The following USP32 variants were observed in gnomAD, a reference collection of about 807,000 sequenced individuals.
The protein encoded by USP32 is ubiquitin carboxyl-terminal hydrolase 32.
Under a neutral mutation model 204.8 loss-of-function variants are expected in USP32, and 59 were observed. That is an observed-to-expected ratio of 0.29 (90% CI 0.23 to 0.36). The LOEUF is 0.36. Among genes scored for constraint, USP32 ranks in the 10% least tolerant of loss-of-function variants. USP32 has a pLI of 1.00. For synonymous variants in USP32, 517 were observed against 678.4 expected, an observed-to-expected ratio of 0.76 and a Z score of 3.70; for missense variants, 1,160 against 1,946.4, an observed-to-expected ratio of 0.60 and a Z score of 7.60.
intron 26 of USP32, among the ~76,000 whole-genome samples, chr17:60,200,829 A>G (rs1439963540): frequency 1.3e-5 from 2 of 152,226 alleles, no homozygotes; most frequent in Non-Finnish European, 2.9e-5. Context: ...TTTTATATTT[A>G]TAAATAGAAT....
chr17:60,341,848 C>T (rs533077577), intron 2 of USP32, among the ~76,000 whole-genome samples: 1 of 152,282 alleles, frequency 6.6e-6, no homozygotes, highest in African/African-American at 2.4e-5. Flanking sequence ...TGGGTTCGAA[C>T]ATACTCCTTT....
chr17:60,332,288 C>A (rs1318183760), intron 2 of USP32, among the ~76,000 whole-genome samples: 2 of 151,708 alleles, frequency 1.3e-5, no homozygotes, highest in Non-Finnish European at 2.9e-5. Flanking sequence ...TCGGTTTTGT[C>A]ATGCATATAT....
intron 1 of USP32, among the ~76,000 whole-genome samples, chr17:60,389,237 T>C (rs1432901887): frequency 1.3e-5 from 2 of 152,136 alleles, no homozygotes; most frequent in African/African-American, 4.8e-5. Context: ...TCCAAGACAT[T>C]TTTAGCTCTA....
rs138389384 is a variant in USP32, at chr17:60,409,567, AC to A, written c.106+12678del. ...TTACCACAAGCTTAGTGGCTCTGAAACCACCCTTGCAAAAATTACAAGTGAG... is the reference window on the plus strand; with the variant it reads ...TTACCACAAGCTTAGTGGCTCTGAAACACCCTTGCAAAAATTACAAGTGAG... On this transcript the variant is annotated intron_variant, in intron 1 of 3. Coordinates refer to the USP32 transcript ENST00000588898. Among the ~76,000 whole-genome samples the A allele has an allele frequency of 9.5e-3, 1,441 of 152,304 alleles. 32 individuals are homozygous for A. Among genetic ancestry groups the A allele is most frequent in the African/African-American group, 0.033 (1,386 of 41,552 alleles).
chr17:60,416,666 T>C (rs1050458170), intron 1 of USP32, among the ~76,000 whole-genome samples: 3 of 152,076 alleles, frequency 2.0e-5, no homozygotes, highest in African/African-American at 4.8e-5. Context: ...GGTTCAATTG[T>C]CTCTTCAGGC....
chr17:60,244,029 G>GTTTTTTTT lies in USP32; in HGVS notation c.1137-7797_1137-7790dup, dbSNP rs34842511. Among the ~76,000 whole-genome samples the GTTTTTTTT allele has an allele frequency of 6.0e-4, 43 of 71,690 alleles. 2 individuals are homozygous for GTTTTTTTT. The highest frequency in any genetic ancestry group is 1.7e-3 in the African/African-American group (24 of 14,184). 47.0% of individuals were successfully genotyped at this position (71,690 alleles called of 152,430 possible). On this transcript the variant is annotated intron_variant, in intron 11 of 33. Transcript: ENST00000300896. ...TTTGAATCTCAAGTAGCTGGATTGT[G>GTTTTTTTT]TTTTTTTTTTTTTTTTTTTTTTTTG...
rs2085201305 is a variant in USP32 at position 60,219,924 on chromosome 17, C to A, written c.1750-137G>T. ...CTACATTTCAGTAATTACTGAAACTCACACATTTAAGTTACATGGATCTGA... is the reference window on the plus strand; with the variant it reads ...CTACATTTCAGTAATTACTGAAACTAACACATTTAAGTTACATGGATCTGA... On this transcript the variant is annotated intron_variant, in intron 15 of 33. Transcript: ENST00000300896. 7 of 803,184 alleles carry A rather than the reference C, an allele frequency of 8.7e-6. No homozygotes were observed. The South Asian group carries it at 1.3e-4, about 15-fold the overall frequency. The allele number at this position is 803,184 out of a possible 1,614,324, so 49.8% of individuals were successfully genotyped here.
At chr17:60,248,236 G>A (rs770496834) in intron 11 of USP32, among the ~76,000 whole-genome samples, 8 of 152,174 alleles carry the variant, frequency 5.3e-5, no homozygotes, top group Non-Finnish European at 1.0e-4. Context: ...AAAGTCAGCT[G>A]TTTATCACAT....
At chr17:60,251,357 T>A (rs745481350) in intron 11 of USP32, among the ~76,000 whole-genome samples, 9 of 152,194 alleles carry the variant, frequency 5.9e-5, no homozygotes, top group Non-Finnish European at 1.3e-4. Context: ...ACTTTAAATA[T>A]CTATATCTTA....
intron 1 of USP32, among the ~76,000 whole-genome samples, chr17:60,389,494 G>C (rs1010008495): frequency 6.6e-6 from 1 of 151,418 alleles, no homozygotes; most frequent in East Asian, 1.9e-4. Context: ...AGTGAGCCAA[G>C]ATCACGCCAC....
Position 60,345,551 on chromosome 17 carries a change from G to A in USP32, c.116C>T (p.Ser39Leu), listed in dbSNP as rs1378293822. 1.2e-6 allele frequency: 2 copies of A among 1,614,186 alleles called. No individual in the cohort carries two copies. Among genetic ancestry groups the A allele is most frequent in the Non-Finnish European group, 1.7e-6 (2 of 1,180,024 alleles). The part of the protein sequence containing the change: ...KDAFKRTCGL[S>L]YYMGQHCFIR... Reference sequence around the variant, plus strand: ...GAAGCAGTGCTGGCCCATGTAATATGAGAGTCCACAGGTCCTCTTGAAAGC... The same window carrying A: ...GAAGCAGTGCTGGCCCATGTAATATAAGAGTCCACAGGTCCTCTTGAAAGC... Residue 39 changes from serine to leucine, a missense_variant, in exon 2 of 34, where the codon TCA becomes TTA. Around this residue, in one of 8 missense-constraint regions of USP32, gnomAD observed 536 missense variants for 680.9 expected, o/e 0.79. Transcript: ENST00000300896.
chr17:60,265,812 A>G (rs1385632262), intron 8 of USP32, among the ~76,000 whole-genome samples, 164 bp downstream of exon 8: 5 of 152,248 alleles, frequency 3.3e-5, no homozygotes, highest in African/African-American at 2.4e-5. Context: ...TTTCTAAGCC[A>G]AACTCTCTTT....
chr17:60,197,193 A>C (rs2084542870), intron 27 of USP32, among the ~76,000 whole-genome samples: 1 of 151,990 alleles, frequency 6.6e-6, no homozygotes, highest in Admixed American at 6.6e-5. Flanking sequence ...AAAAAAAAAG[A>C]TGTATTTATC....
At chr17:60,280,771 ATAT>A (rs2086949105) in intron 5 of USP32, among the ~76,000 whole-genome samples, 1 of 152,198 alleles carries the variant, frequency 6.6e-6, no homozygotes, top group South Asian at 2.1e-4. Context: ...AATGTACCAA[ATAT>A]TATTTGAGTA....
At chr17:60,351,453 G>A (rs1205559605) in intron 1 of USP32, among the ~76,000 whole-genome samples, 5 of 143,246 alleles carry the variant, frequency 3.5e-5, no homozygotes, top group East Asian at 2.0e-4. Context: ...TTTTTTTTTC[G>A]AGATGGAGTC....
intron 26 of USP32, among the ~76,000 whole-genome samples, chr17:60,201,909 G>A (rs1220155032): frequency 1.3e-5 from 2 of 152,050 alleles, no homozygotes. Context: ...CATCCGTCTC[G>A]GCCTCTCAAA....
intron 1 of USP32, among the ~76,000 whole-genome samples, chr17:60,363,472 A>T (rs1183440761): frequency 7.0e-6 from 1 of 143,780 alleles, no homozygotes; most frequent in Non-Finnish European, 1.5e-5. Flanking sequence ...AAAAAAAAAA[A>T]GCGCCACTGC....
At chr17:60,230,736 C>T (rs542852623) in intron 12 of USP32, among the ~76,000 whole-genome samples, 9 of 152,150 alleles carry the variant, frequency 5.9e-5, no homozygotes, top group African/African-American at 9.7e-5. Flanking sequence ...CCTTCCTACA[C>T]GCTTATTTTT....
At chr17:60,310,632 G>A (rs1598228540) in intron 2 of USP32, among the ~76,000 whole-genome samples, 2 of 152,178 alleles carry the variant, frequency 1.3e-5, no homozygotes, top group East Asian at 3.8e-4. Context: ...CCGGGAGGCG[G>A]AGGTTGCAGT....
Sources: gnomAD v4.1 joint callset for allele counts (sites outside exome capture counted in the v4.1 genomes callset) on GRCh38, gnomAD v4.1.1 for gene constraint, gnomAD v4.1.1 regional missense constraint, MANE v1.5 for transcripts, NCBI Gene and HGNC (gene_info 2026-07-23, HGNC 2026-07-21) for gene names.